The following CBFA2T2 variants were observed in gnomAD, a reference collection of about 807,000 sequenced individuals.
CBFA2T2 encodes the protein CBFA2/RUNX1 partner transcriptional co-repressor 2.
Under a neutral mutation model 62.2 loss-of-function variants are expected in CBFA2T2, and 11 were observed. That is an observed-to-expected ratio of 0.18 (90% CI 0.11 to 0.29). CBFA2T2 has a LOEUF of 0.29. Among genes scored for constraint, CBFA2T2 ranks in the 10% least tolerant of loss-of-function variants. CBFA2T2 has a pLI of 1.00. For synonymous variants in CBFA2T2, 295 were observed against 287.5 expected, an observed-to-expected ratio of 1.03 and a Z score of -0.27; for missense variants, 592 against 774.1, an observed-to-expected ratio of 0.76 and a Z score of 2.79.
At position 33,649,490 on chromosome 20, in the gene CBFA2T2, G is replaced by A. The variant is rs1464195857; in HGVS notation, c.*4844G>A. ...TTAGGAGGCCTGAGGGGCGGGCCTT[G>A]TGTCCCCTCCTCCCCCTCCACAGCC... On this transcript the variant is annotated 3_prime_UTR_variant, in exon 11 of 11. Transcript: ENST00000342704. The A allele has an allele frequency of 6.6e-6, 1 of 152,648 alleles. No homozygotes were observed. The highest frequency in any genetic ancestry group is 1.5e-5 in the Non-Finnish European group (1 of 68,092). 9.5% of individuals were successfully genotyped at this position (152,648 alleles called of 1,614,324 possible).
At chr20:33,513,410 A>T (rs1340988660) in intron 1 of CBFA2T2, among the ~76,000 whole-genome samples, 2 of 149,446 alleles carry the variant, frequency 1.3e-5, no homozygotes, top group Admixed American at 1.3e-4. Flanking sequence ...CCCAGGCTGG[A>T]GTGCAGTGGC....
chr20:33,588,036 TGA>T (rs1244586593), intron 1 of CBFA2T2, among the ~76,000 whole-genome samples: 1 of 152,214 alleles, frequency 6.6e-6, no homozygotes, highest in East Asian at 1.9e-4. Context: ...AACTATAGAC[TGA>T]GAGAACTATT....
intron 1 of CBFA2T2, among the ~76,000 whole-genome samples, chr20:33,576,306 TA>T (rs935884687): frequency 3.3e-5 from 5 of 152,130 alleles, no homozygotes; most frequent in African/African-American, 1.2e-4. Context: ...CATCTTAATA[TA>T]AAAGTAGATA....
At chr20:33,558,120 C>T (rs2012963697) in intron 1 of CBFA2T2, among the ~76,000 whole-genome samples, 1 of 151,320 alleles carries the variant, frequency 6.6e-6, no homozygotes, top group Admixed American at 6.6e-5. Context: ...AGCCACTGCG[C>T]CTGGGCGCGC....
chr20:33,541,162 A>G (rs939812276), intron 1 of CBFA2T2, among the ~76,000 whole-genome samples: 3 of 152,176 alleles, frequency 2.0e-5, no homozygotes, highest in African/African-American at 7.2e-5. Context: ...TCCATTGCTG[A>G]TATTTTGCAT....
At chr20:33,570,924 A>G (rs919567413) in intron 1 of CBFA2T2, among the ~76,000 whole-genome samples, 5 of 152,208 alleles carry the variant, frequency 3.3e-5, no homozygotes, top group African/African-American at 1.2e-4. Context: ...TGTCTCCCCA[A>G]GTAGAGAAGC....
intron 1 of CBFA2T2, among the ~76,000 whole-genome samples, chr20:33,501,710 G>C (rs1174444501): frequency 8.1e-6 from 1 of 123,426 alleles, no homozygotes; most frequent in Non-Finnish European, 1.6e-5. Context: ...TGCGATCTCG[G>C]CTCACTGCAA....
chr20:33,550,113 A>G (rs2012697163), intron 1 of CBFA2T2, among the ~76,000 whole-genome samples: 1 of 152,150 alleles, frequency 6.6e-6, no homozygotes, highest in Non-Finnish European at 1.5e-5. Context: ...AAATGTAATA[A>G]CGTTCTACAT....
chr20:33,515,325 T>C, intron 1 of CBFA2T2, among the ~76,000 whole-genome samples: 1 of 107,048 alleles, frequency 9.3e-6, no homozygotes, highest in Admixed American at 1.3e-4. Context: ...CACTCCAGCC[T>C]GGGTGACAAA....
chr20:33,544,456 A>C (rs964377700), intron 1 of CBFA2T2, among the ~76,000 whole-genome samples: 1 of 152,146 alleles, frequency 6.6e-6, no homozygotes, highest in Non-Finnish European at 1.5e-5. Flanking sequence ...TGTATATAGT[A>C]TTTATTAATT....
At chr20:33,554,784 T>C (rs1205795247) in intron 1 of CBFA2T2, among the ~76,000 whole-genome samples, 1 of 151,898 alleles carries the variant, frequency 6.6e-6, no homozygotes, top group Non-Finnish European at 1.5e-5. Flanking sequence ...AGATGAGAGA[T>C]TTGATCTGAT....
chr20:33,627,216 T>TA (rs1270860492), intron 6 of CBFA2T2, among the ~76,000 whole-genome samples: 29 of 152,010 alleles, frequency 1.9e-4, no homozygotes, highest in African/African-American at 6.3e-4. Flanking sequence ...GCTAACATGG[T>TA]AAAACCCCGT....
At chr20:33,551,772 TC>T (rs2012749775) in intron 1 of CBFA2T2, among the ~76,000 whole-genome samples, 1 of 152,134 alleles carries the variant, frequency 6.6e-6, no homozygotes, top group Non-Finnish European at 1.5e-5. Flanking sequence ...CCTCAAGAAA[TC>T]CGCCCACCTT....
At chr20:33,588,352 A>G (rs2146922674) in intron 1 of CBFA2T2, among the ~76,000 whole-genome samples, 1 of 151,012 alleles carries the variant, frequency 6.6e-6, no homozygotes, top group South Asian at 2.1e-4. Context: ...ACAGGTGCAA[A>G]TGAAGAAATA....
At chr20:33,528,055 A>C (rs938109560) in intron 1 of CBFA2T2, among the ~76,000 whole-genome samples, 1 of 151,834 alleles carries the variant, frequency 6.6e-6, no homozygotes, top group Non-Finnish European at 1.5e-5. Flanking sequence ...CTTTTTGTAG[A>C]GACAAGGCCT....
At chr20:33,545,819 G>C (rs2012549566) in intron 1 of CBFA2T2, among the ~76,000 whole-genome samples, 1 of 152,204 alleles carries the variant, frequency 6.6e-6, no homozygotes, top group South Asian at 2.1e-4. Flanking sequence ...AAATTCTGTG[G>C]TAGAAAATCA....
intron 1 of CBFA2T2, among the ~76,000 whole-genome samples, chr20:33,563,315 C>T (rs893983690): frequency 2.3e-4 from 35 of 152,070 alleles, no homozygotes; most frequent in African/African-American, 7.7e-4. Context: ...CATATAACTA[C>T]GTACTGTGTT....
intron 1 of CBFA2T2, among the ~76,000 whole-genome samples, chr20:33,498,205 A>G (rs953758492): frequency 6.6e-6 from 1 of 150,870 alleles, no homozygotes; most frequent in African/African-American, 2.4e-5. Flanking sequence ...TGCTGGCATT[A>G]ACAGGCATGA....
intron 1 of CBFA2T2, among the ~76,000 whole-genome samples, chr20:33,600,043 C>G (rs1022899441): frequency 1.3e-5 from 2 of 151,960 alleles, no homozygotes; most frequent in Admixed American, 6.6e-5. Flanking sequence ...GGCAGAGTTA[C>G]AAAGATGGTA....
Sources: gnomAD v4.1 joint callset for allele counts (sites outside exome capture counted in the v4.1 genomes callset) on GRCh38, gnomAD v4.1.1 for gene constraint, MANE v1.5 for transcripts, NCBI Gene and HGNC (gene_info 2026-07-23, HGNC 2026-07-21) for gene names.